NELL1: variants seen among roughly 807,000 people sequenced by gnomAD.
The protein encoded by NELL1 is protein kinase C-binding protein NELL1.
In NELL1, 76 loss-of-function variants were observed where a neutral mutation model predicts 107.4. That is an observed-to-expected ratio of 0.71 (90% CI 0.59 to 0.86). NELL1 has a LOEUF of 0.86. Among genes scored for constraint, NELL1 ranks in the 40% least tolerant of loss-of-function variants. The pLI is 0.00. For synonymous variants in NELL1, 353 were observed against 341.2 expected, an observed-to-expected ratio of 1.03 and a Z score of -0.38; for missense variants, 1,024 against 1,005.5, an observed-to-expected ratio of 1.02 and a Z score of -0.25.
intron 9 of NELL1, among the ~76,000 whole-genome samples, chr11:20,937,503 C>G (rs1467770698): frequency 6.6e-6 from 1 of 152,246 alleles, no homozygotes; most frequent in Non-Finnish European, 1.5e-5. Flanking sequence ...GTTTTAGCTT[C>G]TTACTACATC....
At chr11:21,501,313 G>A (rs550438598) in intron 15 of NELL1, among the ~76,000 whole-genome samples, 2 of 152,142 alleles carry the variant, frequency 1.3e-5, no homozygotes, top group Non-Finnish European at 2.9e-5. Context: ...AATCTGAAAA[G>A]CAATTGAAGA....
chr11:21,512,874 G>A (rs1180893450), intron 15 of NELL1, among the ~76,000 whole-genome samples: 3 of 151,840 alleles, frequency 2.0e-5, no homozygotes, highest in Admixed American at 1.3e-4. Flanking sequence ...CCACCTAACC[G>A]AACCTATTAC....
At chr11:20,722,070 G>A (rs2133910246) in intron 2 of NELL1, among the ~76,000 whole-genome samples, 1 of 149,704 alleles carries the variant, frequency 6.7e-6, no homozygotes, top group South Asian at 2.1e-4. Flanking sequence ...ACCCAGGCTG[G>A]AATGCAGTGG....
chr11:20,762,917 G>A (rs560390288), intron 2 of NELL1, among the ~76,000 whole-genome samples: 57 of 151,364 alleles, frequency 3.8e-4, no homozygotes, highest in African/African-American at 1.0e-3. Flanking sequence ...ACAGCAGCAC[G>A]GGGTTGAAGA....
intron 2 of NELL1, among the ~76,000 whole-genome samples, chr11:20,755,554 TTG>T (rs1364273137): frequency 1.6e-3 from 27 of 17,084 alleles, no homozygotes; most frequent in African/African-American, 3.0e-3. Flanking sequence ...TTTTTTGTTT[TTG>T]TTTTTGTTTT....
intron 12 of NELL1, among the ~76,000 whole-genome samples, chr11:21,023,572 A>G (rs1291514507): frequency 6.6e-6 from 1 of 151,918 alleles, no homozygotes; most frequent in Non-Finnish European, 1.5e-5. Context: ...AATGCTGCTA[A>G]ATTTTTTTTT....
intron 13 of NELL1, among the ~76,000 whole-genome samples, chr11:21,123,422 A>G (rs1169310902): frequency 6.6e-6 from 1 of 151,868 alleles, no homozygotes; most frequent in East Asian, 1.9e-4. Context: ...CAGCTTTGAA[A>G]ACATGTTTCA....
chr11:21,549,157 G>A (rs1007811965), intron 16 of NELL1, among the ~76,000 whole-genome samples: 4 of 151,838 alleles, frequency 2.6e-5, no homozygotes, highest in African/African-American at 9.7e-5. Flanking sequence ...AGAAATGTTT[G>A]AGAAGCAGTG....
intron 5 of NELL1, among the ~76,000 whole-genome samples, chr11:20,909,557 T>G (rs1850079490): frequency 6.6e-6 from 1 of 151,860 alleles, no homozygotes; most frequent in Non-Finnish European, 1.5e-5. Flanking sequence ...ACCTCTTTAT[T>G]ATAGCTGTTG....
intron 13 of NELL1, among the ~76,000 whole-genome samples, chr11:21,197,033 G>A (rs957392319): frequency 1.3e-5 from 2 of 150,896 alleles, no homozygotes; most frequent in South Asian, 2.1e-4. Context: ...CACCATGCCC[G>A]GCTAATTTTT....
At chr11:21,572,956 C>A (rs1297816263) in intron 18 of NELL1, among the ~76,000 whole-genome samples, 2 of 151,788 alleles carry the variant, frequency 1.3e-5, no homozygotes, top group Non-Finnish European at 2.9e-5. Context: ...CACAAAGAAG[C>A]TCACCTAGCT....
At position 21,053,292 on chromosome 11, in the gene NELL1, C is replaced by A. The variant is rs532161429; in HGVS notation, c.1301-60297C>A. Among the ~76,000 whole-genome samples the A allele has an allele frequency of 2.4e-4, 36 of 152,176 alleles. No individual in the cohort carries two copies. The South Asian group carries it at 6.7e-3, about 28-fold the overall frequency. ...CCTAGCCCCCCACCCTGTGACAGGC[C>A]CCAGTGTGTGATGTTCCCTTCCCTG... On this transcript the variant is annotated intron_variant, in intron 12 of 19. Coordinates refer to ENST00000357134, the MANE Select transcript of NELL1 (RefSeq NM_006157.5).
chr11:20,873,582 G>A (rs76610135), intron 4 of NELL1, among the ~76,000 whole-genome samples: 1 of 152,188 alleles, frequency 6.6e-6, no homozygotes, highest in Admixed American at 6.5e-5. Context: ...AAAATCCTGT[G>A]TGGTAGATGT....
intron 12 of NELL1, among the ~76,000 whole-genome samples, chr11:21,102,262 C>T (rs1182128503): frequency 6.6e-6 from 1 of 152,192 alleles, no homozygotes; most frequent in Non-Finnish European, 1.5e-5. Context: ...ACCAGAGATA[C>T]ACTATCTGTT....
At position 21,538,467 on chromosome 11, in the gene NELL1, G is replaced by A. The variant is rs1327008896; in HGVS notation, c.1786+3953G>A. Among the ~76,000 whole-genome samples the A allele has an allele frequency of 2.0e-5, 3 of 152,058 alleles. No individual in the cohort carries two copies. In the South Asian group the frequency reaches 6.2e-4, roughly 32 times the overall value. On this transcript the variant is annotated intron_variant, in intron 16 of 19. Transcript: ENST00000357134. ...GGCAGATAGAGTCACTATTCTTGAA[G>A]AGCTTATCAGAGTTAGTCTCTTCTG...
chr11:21,176,472 G>A (rs954888949), intron 13 of NELL1, among the ~76,000 whole-genome samples: 3 of 151,844 alleles, frequency 2.0e-5, no homozygotes, highest in African/African-American at 4.9e-5. Context: ...TATGAGCCCA[G>A]TCTGGCCCAC....
chr11:21,450,809 TA>T (rs989472381), intron 15 of NELL1, among the ~76,000 whole-genome samples: 37 of 152,178 alleles, frequency 2.4e-4, no homozygotes, highest in Non-Finnish European at 4.0e-4. Flanking sequence ...ATTAATATAA[TA>T]TTTTTTTCTG....
At chr11:20,807,624 C>G (rs1214881969) in intron 3 of NELL1, among the ~76,000 whole-genome samples, 3 of 152,202 alleles carry the variant, frequency 2.0e-5, no homozygotes, top group Non-Finnish European at 4.4e-5. Context: ...TTGTGTTCTT[C>G]CCTTCTGTGC....
intron 2 of NELL1, among the ~76,000 whole-genome samples, chr11:20,708,683 A>G (rs1855036771): frequency 6.6e-6 from 1 of 151,366 alleles, no homozygotes; most frequent in African/African-American, 2.4e-5. Context: ...TTGTCTGTTT[A>G]CTCTGCTGGT....
Sources: allele counts gnomAD v4.1 joint callset (sites outside exome capture counted in the v4.1 genomes callset), GRCh38; gene constraint gnomAD v4.1.1; transcripts MANE v1.5; gene names NCBI Gene and HGNC (gene_info 2026-07-23, HGNC 2026-07-21).